CSMD1: variants seen among roughly 807,000 people sequenced by gnomAD.
CSMD1 encodes the protein CUB and Sushi multiple domains 1.
Under a neutral mutation model 417.5 loss-of-function variants are expected in CSMD1, and 213 were observed. That is an observed-to-expected ratio of 0.51 (90% CI 0.46 to 0.57). The LOEUF is 0.57. CSMD1 is among the 20% of genes least tolerant of loss of function. The pLI, the probability that CSMD1 is intolerant of heterozygous loss-of-function variation, is 0.00. For missense variants in CSMD1, 6,923 were observed against 4,529.7 expected (o/e 1.53, Z -15.17); for synonymous variants, 2,862 against 1,736.8 (o/e 1.65, Z -16.11).
chr8:2,985,072 C>G lies in CSMD1; in HGVS notation c.8378-6272G>C, dbSNP rs149316336. Among the ~76,000 whole-genome samples the G allele has an allele frequency of 6.3e-3, 958 of 152,220 alleles. 11 individuals are homozygous for G. The highest frequency in any genetic ancestry group is 0.014 in the Middle Eastern group (4 of 294). On this transcript the variant is annotated intron_variant, in intron 54 of 69. Transcript: ENST00000635120. The stretch of plus-strand genomic sequence containing the variant: ...GGCAGAAAAACCATTATTTTAAGAC[C>G]ATCATTGGCCTCAAAGCGACTCAAA...
intron 3 of CSMD1, among the ~76,000 whole-genome samples, chr8:4,295,207 AGATTTT>A (rs1797598475): frequency 1.4e-5 from 1 of 72,368 alleles, no homozygotes; most frequent in Non-Finnish European, 2.9e-5. Flanking sequence ...TATAATCTTA[AGATTTT>A]CTATATAATC....
intron 10 of CSMD1, among the ~76,000 whole-genome samples, chr8:3,512,000 G>A (rs941279597): frequency 7.3e-5 from 11 of 151,620 alleles, no homozygotes; most frequent in Admixed American, 4.6e-4. Flanking sequence ...AGTTTACAAC[G>A]TTTCATTTCT....
At chr8:3,965,906 CA>C (rs1812652029) in intron 5 of CSMD1, among the ~76,000 whole-genome samples, 1 of 152,138 alleles carries the variant, frequency 6.6e-6, no homozygotes, top group African/African-American at 2.4e-5. Flanking sequence ...TATGAGCCAC[CA>C]TGCCCGGCCA....
chr8:4,911,485 C>A lies in CSMD1; in HGVS notation c.85+82847G>T, dbSNP rs1422773556. ...CATAGGATGTGATTAAGGTGTGGGT[C>A]TATACCTCAATGTCATTAACATTCC... On this transcript the variant is annotated intron_variant, in intron 1 of 69. Coordinates refer to ENST00000635120, the MANE Select transcript of CSMD1 (RefSeq NM_033225.6). Among the ~76,000 whole-genome samples, 6 of 152,264 alleles carry A rather than the reference C, an allele frequency of 3.9e-5. No homozygotes were observed. The East Asian group carries it at 7.7e-4, about 20-fold the overall frequency.
At chr8:3,959,494 G>C (rs141563100) in intron 5 of CSMD1, among the ~76,000 whole-genome samples, 46 of 152,274 alleles carry the variant, frequency 3.0e-4, no homozygotes, top group Non-Finnish European at 5.6e-4. Flanking sequence ...GCGAGACTCC[G>C]TCAAGAAAGA....
chr8:3,393,209 G>C (rs1457034935), intron 17 of CSMD1, among the ~76,000 whole-genome samples: 2 of 152,162 alleles, frequency 1.3e-5, no homozygotes, highest in East Asian at 1.9e-4. Flanking sequence ...TGCAAGTCTA[G>C]ATGTGTGTTT....
chr8:4,682,849 C>T (rs1444222280), intron 1 of CSMD1, among the ~76,000 whole-genome samples: 1 of 150,072 alleles, frequency 6.7e-6, no homozygotes, highest in Non-Finnish European at 1.5e-5. Flanking sequence ...ATGTTTTTAT[C>T]CAAAGACTAC....
chr8:4,243,719 C>G (rs373588943), intron 3 of CSMD1, among the ~76,000 whole-genome samples: 7 of 152,064 alleles, frequency 4.6e-5, no homozygotes, highest in Non-Finnish European at 8.8e-5. Context: ...CATCCATAAT[C>G]TGAGTCCACA....
chr8:4,554,972 C>T (rs1798025223), intron 2 of CSMD1, among the ~76,000 whole-genome samples: 1 of 152,120 alleles, frequency 6.6e-6, no homozygotes, highest in African/African-American at 2.4e-5. Context: ...CTGGAGGGGC[C>T]ACCAGGGCCC....
chr8:4,867,995 G>T (rs1169934189), intron 1 of CSMD1, among the ~76,000 whole-genome samples: 1 of 151,914 alleles, frequency 6.6e-6, no homozygotes, highest in East Asian at 1.9e-4. Context: ...TTTAAATTCA[G>T]TTCACAAAAC....
chr8:3,133,890 T>C (rs1817931185), intron 41 of CSMD1, among the ~76,000 whole-genome samples: 1 of 152,204 alleles, frequency 6.6e-6, no homozygotes, highest in Non-Finnish European at 1.5e-5. Flanking sequence ...AAGTGCTCTG[T>C]CAGGCCGGGC....
intron 4 of CSMD1, among the ~76,000 whole-genome samples, chr8:4,001,984 T>A (rs1164237956): frequency 6.6e-6 from 1 of 152,200 alleles, no homozygotes; most frequent in Non-Finnish European, 1.5e-5. Context: ...GAGTTACAGT[T>A]AGAATCAGGC....
intron 3 of CSMD1, among the ~76,000 whole-genome samples, chr8:4,212,582 G>A (rs1800380397): frequency 2.0e-5 from 3 of 151,864 alleles, no homozygotes; most frequent in Non-Finnish European, 4.4e-5. Flanking sequence ...ATCAAGGCCT[G>A]ACATTGTCAG....
chr8:3,049,659 G>C (rs768119199), intron 50 of CSMD1, among the ~76,000 whole-genome samples: 2 of 152,136 alleles, frequency 1.3e-5, no homozygotes, highest in Non-Finnish European at 2.9e-5. Context: ...GGTGGGCAAA[G>C]GAGACTTTAA....
At chr8:4,550,780 A>G (rs1307498863) in intron 2 of CSMD1, among the ~76,000 whole-genome samples, 5 of 152,196 alleles carry the variant, frequency 3.3e-5, no homozygotes, top group African/African-American at 1.2e-4. Flanking sequence ...CAGTTTAATC[A>G]TCTTTATCAA....
At chr8:4,870,083 T>C (rs1802646914) in intron 1 of CSMD1, among the ~76,000 whole-genome samples, 1 of 152,134 alleles carries the variant, frequency 6.6e-6, no homozygotes, top group Admixed American at 6.5e-5. Context: ...TGAATAAAAG[T>C]GATATTCAAT....
At chr8:4,223,763 G>A (rs1371394460) in intron 3 of CSMD1, among the ~76,000 whole-genome samples, 3 of 152,192 alleles carry the variant, frequency 2.0e-5, no homozygotes, top group Non-Finnish European at 2.9e-5. Context: ...TTCTAGCAAA[G>A]GTGACCTAGT....
chr8:2,938,991 G>T (rs993837714), intron 69 of CSMD1, among the ~76,000 whole-genome samples: 10 of 152,132 alleles, frequency 6.6e-5, no homozygotes, highest in Admixed American at 2.0e-4. Context: ...TTGAGACAGG[G>T]TCTCACTCTG....
chr8:4,640,389 C>A (rs1767343370), intron 1 of CSMD1, among the ~76,000 whole-genome samples: 1 of 152,100 alleles, frequency 6.6e-6, no homozygotes, highest in South Asian at 2.1e-4. Flanking sequence ...TATTATAAAG[C>A]CACCGTGATT....
Sources: gnomAD v4.1 joint callset for allele counts (sites outside exome capture counted in the v4.1 genomes callset) on GRCh38, gnomAD v4.1.1 for gene constraint, MANE v1.5 for transcripts, NCBI Gene and HGNC (gene_info 2026-07-23, HGNC 2026-07-21) for gene names.